The following CDH10 variants were observed in gnomAD, a reference collection of about 807,000 sequenced individuals.
The protein encoded by CDH10 is cadherin 10.
A neutral mutation model predicts 73.1 loss-of-function variants in CDH10; 30 were observed. The ratio of observed to expected loss-of-function variants is 0.41; its 90% CI spans 0.31 to 0.56. The LOEUF is 0.56. Among genes scored for constraint, CDH10 ranks in the 20% least tolerant of loss-of-function variants. CDH10 has a pLI of 0.27. For synonymous variants in CDH10, 345 were observed against 348.2 expected (o/e 0.99, Z 0.10); for missense variants, 815 against 973.7 (o/e 0.84, Z 2.17).
intron 2 of CDH10, among the ~76,000 whole-genome samples, chr5:24,587,955 A>G (rs1207289808): frequency 1.3e-5 from 2 of 152,210 alleles, no homozygotes; most frequent in Admixed American, 6.5e-5. Context: ...TTAAAAACAA[A>G]GAGGTGGTCT....
At chr5:24,630,546 A>G (rs1747668667) in intron 1 of CDH10, among the ~76,000 whole-genome samples, 1 of 102,758 alleles carries the variant, frequency 9.7e-6, no homozygotes, top group African/African-American at 2.6e-5. Flanking sequence ...AAAAGAGATC[A>G]TCTTAAAAAA....
At chr5:24,618,832 C>T (rs1398300050) in intron 1 of CDH10, among the ~76,000 whole-genome samples, 1 of 152,094 alleles carries the variant, frequency 6.6e-6, no homozygotes, top group South Asian at 2.1e-4. Flanking sequence ...TTATTTTATA[C>T]TGGTATTAAA....
At chr5:24,492,763 G>A (rs1742108468) in intron 10 of CDH10, 54 bp downstream of exon 10, 1 of 786,130 alleles carries the variant, frequency 1.3e-6, no homozygotes, top group Non-Finnish European at 2.3e-6. Flanking sequence ...TTACACTCGG[G>A]AAATTTCCTG....
chr5:24,535,667 G>T (rs755145881), intron 4 of CDH10, 36 bp downstream of exon 4: 4 of 1,583,822 alleles, frequency 2.5e-6, no homozygotes, highest in African/African-American at 1.4e-5. Context: ...TCATAAAGAT[G>T]ATCAAATGAA....
At chr5:24,552,346 G>T (rs951948633) in intron 2 of CDH10, among the ~76,000 whole-genome samples, 2 of 151,746 alleles carry the variant, frequency 1.3e-5, no homozygotes, top group South Asian at 4.2e-4. Flanking sequence ...ATTGAAGAAA[G>T]GTCATTATAC....
chr5:24,585,005 C>A (rs13176689), intron 2 of CDH10, among the ~76,000 whole-genome samples: 41,159 of 151,548 alleles, frequency 0.27, 5,923 homozygotes, highest in African/African-American at 0.36. Context: ...TGCCACCATG[C>A]CTGGATAATT....
At chr5:24,526,174 T>C (rs1743524619) in intron 5 of CDH10, among the ~76,000 whole-genome samples, 1 of 152,034 alleles carries the variant, frequency 6.6e-6, no homozygotes, top group Admixed American at 6.6e-5. Flanking sequence ...TGAGGGATAC[T>C]GTCCAAGTTG....
chr5:24,578,314 GT>G, intron 2 of CDH10: 1 of 218,716 alleles, frequency 4.6e-6, no homozygotes. Flanking sequence ...GTAATTACAT[GT>G]TTTTAGCAAG....
intron 1 of CDH10, among the ~76,000 whole-genome samples, chr5:24,598,507 T>C (rs73743651): frequency 0.061 from 9,262 of 151,826 alleles, 352 homozygotes; most frequent in South Asian, 0.15. Context: ...GTAAAACATT[T>C]CAATACGAAA....
intron 11 of CDH10, among the ~76,000 whole-genome samples, chr5:24,489,407 C>A (rs964198561): frequency 6.6e-6 from 1 of 151,976 alleles, no homozygotes; most frequent in Non-Finnish European, 1.5e-5. Context: ...AATTAAAAAG[C>A]AAATAGGCAG....
chr5:24,493,054 G>C, intron 9 of CDH10, 129 bp from the exon 10 acceptor site: 1 of 552,308 alleles, frequency 1.8e-6, no homozygotes, highest in Non-Finnish European at 3.3e-6. Context: ...ATGTATCCTT[G>C]AGTTAATCCA....
rs1166524339 is a variant in CDH10, at chr5:24,487,684, CCCA to C, written c.2343_2345del (p.Gly782del). The C allele has an allele frequency of 6.2e-7, 1 of 1,612,330 alleles. No individual in the cohort carries two copies. Among genetic ancestry groups the C allele is most frequent in the South Asian group, 1.1e-5 (1 of 90,976 alleles). On this transcript the variant is annotated inframe_deletion, in exon 12 of 12. Transcript: ENST00000264463. The stretch of plus-strand genomic sequence containing the variant: ...TACGTTAAGAGTCTTTGTCACTTTC[CCCA>C]CCACCATACATTTCTGCTAGCTTAT...
intron 2 of CDH10, among the ~76,000 whole-genome samples, chr5:24,563,825 A>ATT (rs1361757857): frequency 1.3e-5 from 2 of 150,944 alleles, no homozygotes; most frequent in East Asian, 3.9e-4. Flanking sequence ...TAAATATCCC[A>ATT]CTCTTTATAA....
intron 2 of CDH10, among the ~76,000 whole-genome samples, chr5:24,588,999 G>A (rs1261885438): frequency 1.3e-5 from 2 of 152,036 alleles, no homozygotes; most frequent in Admixed American, 1.3e-4. Context: ...CTATTGTTTT[G>A]TTCTTGGTTT....
intron 7 of CDH10, among the ~76,000 whole-genome samples, chr5:24,506,424 TCTAA>T (rs2111734110): frequency 6.6e-6 from 1 of 152,292 alleles, no homozygotes. Flanking sequence ...TACCGAAAGA[TCTAA>T]CATAAATTTC....
intron 2 of CDH10, among the ~76,000 whole-genome samples, chr5:24,572,129 A>G (rs1443048214): frequency 1.3e-5 from 2 of 152,146 alleles, no homozygotes; most frequent in African/African-American, 4.8e-5. Flanking sequence ...AGTCTATATT[A>G]TCTTGGAGCT....
intron 8 of CDH10, among the ~76,000 whole-genome samples, chr5:24,502,341 G>A (rs1341169241): frequency 1.3e-5 from 2 of 152,262 alleles, no homozygotes; most frequent in Non-Finnish European, 2.9e-5. Flanking sequence ...TTGTATGTAT[G>A]GAATGTAGAA....
intron 2 of CDH10, among the ~76,000 whole-genome samples, chr5:24,577,057 C>A: frequency 7.8e-6 from 1 of 127,622 alleles, no homozygotes; most frequent in African/African-American, 3.0e-5. Flanking sequence ...CTCTAGTACA[C>A]CTCAACGTCA....
chr5:24,504,701 A>G (rs1335370696), intron 8 of CDH10, among the ~76,000 whole-genome samples: 1 of 150,592 alleles, frequency 6.6e-6, no homozygotes, highest in Non-Finnish European at 1.5e-5. Context: ...AATTTTTTGT[A>G]TTTTAGTAGA....
Sources: allele counts gnomAD v4.1 joint callset (sites outside exome capture counted in the v4.1 genomes callset), GRCh38; gene constraint gnomAD v4.1.1; transcripts MANE v1.5; gene names NCBI Gene and HGNC (gene_info 2026-07-23, HGNC 2026-07-21).